Variants in YES1 observed in about 807,000 individuals in gnomAD.
YES1 encodes YES proto-oncogene 1, Src family tyrosine kinase, also known as tyrosine-protein kinase Yes.
In YES1, 39 loss-of-function variants were observed where a neutral mutation model predicts 70.4. That is an observed-to-expected ratio of 0.55 (90% CI 0.43 to 0.72). YES1 has a LOEUF of 0.72. YES1 is among the 30% of genes least tolerant of loss of function. The probability of loss-of-function intolerance (pLI) is 0.00; values close to 1 mark genes in which losing one functional copy is unlikely to be tolerated. For synonymous variants in YES1, 198 were observed against 218.6 expected (o/e 0.91, Z 0.83); for missense variants, 495 against 644.8 (o/e 0.77, Z 2.52).
At chr18:774,070 A>G (rs1394871830) in intron 1 of YES1, among the ~76,000 whole-genome samples, 10 of 152,108 alleles carry the variant, frequency 6.6e-5, no homozygotes, top group Non-Finnish European at 1.5e-4. Context: ...TGACCTTGTG[A>G]TCCACCCGCC....
intron 11 of YES1, among the ~76,000 whole-genome samples, chr18:727,139 A>C (rs2080030547): frequency 6.6e-6 from 1 of 152,068 alleles, no homozygotes; most frequent in Admixed American, 6.6e-5. Flanking sequence ...TGATCATATA[A>C]ATTTTTATGC....
At chr18:801,231 G>A (rs1244912750) in intron 1 of YES1, among the ~76,000 whole-genome samples, 1 of 152,154 alleles carries the variant, frequency 6.6e-6, no homozygotes, top group African/African-American at 2.4e-5. Context: ...TACTGGGGAG[G>A]CTGAGGTGAC....
At chr18:746,131 G>T in intron 4 of YES1, 80 bp from the exon 5 acceptor site, 1 of 1,046,758 alleles carries the variant, frequency 9.6e-7, no homozygotes, top group Non-Finnish European at 1.4e-6. Flanking sequence ...AGAATGGACT[G>T]GGATAGGTTT....
intron 1 of YES1, among the ~76,000 whole-genome samples, chr18:772,763 T>C (rs2145781421): frequency 1.3e-5 from 2 of 152,276 alleles, no homozygotes; most frequent in East Asian, 3.9e-4. Context: ...CTGATGTTTC[T>C]GGCTAACTAC....
At position 764,091 on chromosome 18, in the gene YES1, G is replaced by C. The variant is rs1056774689; in HGVS notation, c.-8-7256C>G. On this transcript the variant is annotated intron_variant, in intron 1 of 11. Transcript: ENST00000314574. ...GCCGAGATCACACCACTGCACTCCA[G>C]CCTGGGCGACAGAGCGAGACTCCCT... is the stretch of plus-strand genomic sequence containing the variant. 2.0e-5 allele frequency among the ~76,000 whole-genome samples: 3 copies of C among 146,904 alleles called. No homozygotes were observed. The Admixed American group carries it at 2.1e-4, about 10-fold the overall frequency.
At chr18:724,659 GAAC>G in intron 11 of YES1, 27 bp from the exon 12 acceptor site, 2 of 1,593,896 alleles carry the variant, frequency 1.3e-6, no homozygotes, top group South Asian at 1.1e-5. Flanking sequence ...AAACATTAAA[GAAC>G]AATGGTCCTA....
At chr18:765,940 T>C (rs576061174) in intron 1 of YES1, among the ~76,000 whole-genome samples, 1 of 152,278 alleles carries the variant, frequency 6.6e-6, no homozygotes, top group African/African-American at 2.4e-5. Context: ...TGAAATGAGG[T>C]AATCTTTGGA....
intron 1 of YES1, among the ~76,000 whole-genome samples, chr18:764,613 GT>G (rs747552847): frequency 3.3e-5 from 5 of 152,182 alleles, no homozygotes; most frequent in Non-Finnish European, 7.3e-5. Context: ...CAGATGGTTC[GT>G]TTTAGGTTCA....
chr18:812,041 C>A (rs1184507765), intron 1 of YES1, 73 bp downstream of exon 1: 1 of 167,570 alleles, frequency 6.0e-6, no homozygotes, highest in Non-Finnish European at 1.2e-5. Context: ...GGCGGCGGCT[C>A]CGGGCGCTGG....
At chr18:798,771 T>C (rs940139805) in intron 1 of YES1, among the ~76,000 whole-genome samples, 1 of 152,206 alleles carries the variant, frequency 6.6e-6, no homozygotes, top group East Asian at 1.9e-4. Context: ...GGGGGTACAC[T>C]GTCCATTAGA....
intron 1 of YES1, among the ~76,000 whole-genome samples, chr18:766,983 A>T (rs1020011565): frequency 1.3e-5 from 2 of 152,086 alleles, no homozygotes; most frequent in African/African-American, 4.8e-5. Context: ...TTCAATTAAA[A>T]TTTTTTATTT....
chr18:806,505 T>C (rs1462812475), intron 1 of YES1, among the ~76,000 whole-genome samples: 3 of 152,218 alleles, frequency 2.0e-5, no homozygotes, highest in Non-Finnish European at 2.9e-5. Flanking sequence ...TTGTTTTGTT[T>C]GCGAAAAGTC....
intron 1 of YES1, among the ~76,000 whole-genome samples, chr18:800,948 C>A (rs1352167807): frequency 6.6e-6 from 1 of 151,972 alleles, no homozygotes; most frequent in Non-Finnish European, 1.5e-5. Flanking sequence ...GAGATCGAGA[C>A]CATCCTGGCC....
chr18:798,014 T>C (rs1015187075), intron 1 of YES1: 10 of 152,200 alleles, frequency 6.6e-5, no homozygotes, highest in South Asian at 2.1e-4. Context: ...ACACAGTCCC[T>C]CACTACTACA....
chr18:762,629 G>T (rs749098848), intron 1 of YES1, among the ~76,000 whole-genome samples: 3 of 151,924 alleles, frequency 2.0e-5, no homozygotes, highest in Non-Finnish European at 4.4e-5. Context: ...TACATTATGG[G>T]ATTAAAAAAA....
At chr18:758,834 T>C (rs1006455415) in intron 1 of YES1, among the ~76,000 whole-genome samples, 3 of 152,250 alleles carry the variant, frequency 2.0e-5, no homozygotes, top group Non-Finnish European at 4.4e-5. Context: ...CCTACCGTAT[T>C]ATCTATCATA....
intron 1 of YES1, among the ~76,000 whole-genome samples, chr18:775,451 C>T (rs1422100651): frequency 6.6e-6 from 1 of 152,118 alleles, no homozygotes; most frequent in Non-Finnish European, 1.5e-5. Context: ...TAACCATTAC[C>T]TTGACTTCTA....
At chr18:743,527 G>A (rs550513084) in intron 6 of YES1, 112 bp from the exon 7 acceptor site, 3 of 860,040 alleles carry the variant, frequency 3.5e-6, no homozygotes, top group African/African-American at 1.7e-5. Flanking sequence ...AAGTCCTTTC[G>A]AGTTTTACTC....
intron 4 of YES1, 71 bp from the exon 5 acceptor site, chr18:746,122 G>T: frequency 9.0e-7 from 1 of 1,116,392 alleles, no homozygotes; most frequent in Non-Finnish European, 1.3e-6. Context: ...GTGTCAGTAA[G>T]AATGGACTGG....
Sources: gnomAD v4.1 joint callset for allele counts (sites outside exome capture counted in the v4.1 genomes callset) on GRCh38, gnomAD v4.1.1 for gene constraint, MANE v1.5 for transcripts, NCBI Gene and HGNC (gene_info 2026-07-23, HGNC 2026-07-21) for gene names.